The following USH2A variants were observed in gnomAD, a reference collection of about 807,000 sequenced individuals.
The protein encoded by USH2A is Usher syndrome 2A (autosomal recessive, mild).
Under a neutral mutation model 538.9 loss-of-function variants are expected in USH2A, and 443 were observed. The ratio of observed to expected loss-of-function variants is 0.82; its 90% CI spans 0.76 to 0.89. The LOEUF (loss-of-function observed/expected upper bound fraction) is 0.89, where lower values mean the gene tolerates loss of function less well. Ranked by LOEUF, USH2A falls within the 40% of genes least tolerant of loss-of-function variation. USH2A has a pLI of 0.00. For synonymous variants in USH2A, 2,413 were observed against 2,273.5 expected (o/e 1.06, Z -1.75); for missense variants, 6,633 against 6,324.8 (o/e 1.05, Z -1.65).
intron 49 of USH2A, among the ~76,000 whole-genome samples, chr1:215,812,436 A>G (rs1662722798): frequency 1.3e-5 from 2 of 152,198 alleles, no homozygotes; most frequent in African/African-American, 4.8e-5. Flanking sequence ...AGATGAACCC[A>G]TCAGGTGATT....
At chr1:215,796,531 G>A (rs1662142007) in intron 50 of USH2A, among the ~76,000 whole-genome samples, 1 of 152,014 alleles carries the variant, frequency 6.6e-6, no homozygotes, top group African/African-American at 2.4e-5. Context: ...AAGACGGAAA[G>A]CTTAGTTGAT....
intron 61 of USH2A, among the ~76,000 whole-genome samples, chr1:215,686,850 C>A (rs190366642): frequency 6.6e-6 from 1 of 152,072 alleles, no homozygotes; most frequent in African/African-American, 2.4e-5. Context: ...CTTTATGGAA[C>A]GTTCACTCTA....
intron 23 of USH2A, among the ~76,000 whole-genome samples, chr1:216,088,797 T>C (rs2032211401): frequency 6.6e-6 from 1 of 152,172 alleles, no homozygotes; most frequent in African/African-American, 2.4e-5. Flanking sequence ...GGTGACTTCA[T>C]TGTTATTTTT....
At chr1:215,712,847 C>T (rs1463719199) in intron 61 of USH2A, among the ~76,000 whole-genome samples, 2 of 151,902 alleles carry the variant, frequency 1.3e-5, no homozygotes, top group African/African-American at 4.8e-5. Context: ...TGCTCTGTCA[C>T]CCAGGCTGGA....
chr1:215,835,164 C>CAAAAAAA (rs34758891), intron 47 of USH2A, among the ~76,000 whole-genome samples: 3 of 56,118 alleles, frequency 5.3e-5, no homozygotes, highest in African/African-American at 1.5e-4. Flanking sequence ...AGTGATGCAC[C>CAAAAAAA]AAAAAAAAAA....
rs368985454 is a variant in USH2A at position 215,982,878 on chromosome 1, G to A, written c.6805+10142C>T. On this transcript the variant is annotated intron_variant, in intron 35 of 71. Coordinates refer to ENST00000307340, the MANE Select transcript of USH2A (RefSeq NM_206933.4). Reference sequence around the variant, plus strand: ...AACATGGGATAGAGAAGGGAGAGGTGGATGCTAACCTAGTCTGGGTAGGAT... The same window carrying A: ...AACATGGGATAGAGAAGGGAGAGGTAGATGCTAACCTAGTCTGGGTAGGAT... Among the ~76,000 whole-genome samples, 15 of 152,288 alleles carry A rather than the reference G, an allele frequency of 9.8e-5. No individual in the cohort carries two copies. In the East Asian group the frequency reaches 2.3e-3, roughly 24 times the overall value.
chr1:215,688,252 A>G (rs763826875), intron 61 of USH2A, among the ~76,000 whole-genome samples: 1 of 152,068 alleles, frequency 6.6e-6, no homozygotes, highest in South Asian at 2.1e-4. Flanking sequence ...TTGTTGACAG[A>G]AAGGAGCTAG....
At chr1:215,998,637 A>G (rs538949529) in intron 34 of USH2A, among the ~76,000 whole-genome samples, 22 of 152,182 alleles carry the variant, frequency 1.4e-4, no homozygotes, top group African/African-American at 4.3e-4. Flanking sequence ...TGATAATCCC[A>G]ACTTTGACTT....
intron 58 of USH2A, among the ~76,000 whole-genome samples, chr1:215,754,630 G>C (rs1038587105): frequency 6.6e-6 from 1 of 152,016 alleles, no homozygotes; most frequent in African/African-American, 2.4e-5. Flanking sequence ...AATTGTCTTG[G>C]GCCACATATA....
intron 41 of USH2A, among the ~76,000 whole-genome samples, chr1:215,882,101 A>G (rs1395582599): frequency 1.3e-5 from 2 of 152,216 alleles, no homozygotes; most frequent in Non-Finnish European, 2.9e-5. Flanking sequence ...TTCATGAATA[A>G]GAGCATTTAT....
intron 43 of USH2A, 142 bp downstream of exon 43, chr1:215,877,616 A>T: frequency 7.8e-7 from 1 of 1,288,306 alleles, no homozygotes; most frequent in Non-Finnish European, 1.1e-6. Flanking sequence ...CTGGGTGATT[A>T]ATGCCACAGA....
intron 43 of USH2A, among the ~76,000 whole-genome samples, chr1:215,868,499 C>T (rs1306306667): frequency 6.6e-6 from 1 of 152,150 alleles, no homozygotes; most frequent in Non-Finnish European, 1.5e-5. Context: ...CCTGCTTTAC[C>T]ATCTCTTCTC....
intron 38 of USH2A, among the ~76,000 whole-genome samples, chr1:215,910,317 T>G (rs1250992989): frequency 1.3e-5 from 2 of 151,974 alleles, no homozygotes; most frequent in Non-Finnish European, 2.9e-5. Context: ...ATTTAGAGTT[T>G]ATTTTGATTA....
At chr1:215,732,426 A>C (rs1440760247) in intron 60 of USH2A, among the ~76,000 whole-genome samples, 1 of 152,016 alleles carries the variant, frequency 6.6e-6, no homozygotes, top group East Asian at 1.9e-4. Context: ...AGTTATCATC[A>C]AATGCTTGAC....
At chr1:216,369,754 A>T (rs539385946) in intron 3 of USH2A, among the ~76,000 whole-genome samples, 76 of 150,740 alleles carry the variant, frequency 5.0e-4, no homozygotes, top group African/African-American at 1.8e-3. Context: ...GTACTTAAAA[A>T]ATATATATAT....
intron 13 of USH2A, among the ~76,000 whole-genome samples, chr1:216,245,961 G>A (rs2036034464): frequency 1.3e-5 from 2 of 152,138 alleles, no homozygotes; most frequent in Admixed American, 6.6e-5. Context: ...TGAATTTATT[G>A]TAAAGAAGGT....
At chr1:216,334,648 G>A (rs1041651447) in intron 4 of USH2A, among the ~76,000 whole-genome samples, 5 of 151,796 alleles carry the variant, frequency 3.3e-5, no homozygotes, top group Non-Finnish European at 5.9e-5. Context: ...GATACACCAC[G>A]TAAACAATAA....
intron 35 of USH2A, among the ~76,000 whole-genome samples, chr1:215,982,705 A>G (rs1667777931): frequency 6.6e-6 from 1 of 152,164 alleles, no homozygotes; most frequent in Admixed American, 6.5e-5. Context: ...TGAGCCAGAC[A>G]TTGTGTTGCA....
At chr1:216,255,006 A>G (rs950598790) in intron 11 of USH2A, among the ~76,000 whole-genome samples, 1 of 152,216 alleles carries the variant, frequency 6.6e-6, no homozygotes, top group Non-Finnish European at 1.5e-5. Context: ...GTGATCAACT[A>G]CTTCTGAGCT....
Sources: allele counts gnomAD v4.1 joint callset (sites outside exome capture counted in the v4.1 genomes callset), GRCh38; gene constraint gnomAD v4.1.1; transcripts MANE v1.5; gene names NCBI Gene and HGNC (gene_info 2026-07-23, HGNC 2026-07-21).